Variants in RABGAP1L observed in about 807,000 individuals in gnomAD.
The protein encoded by RABGAP1L is RAB GTPase activating protein 1 like, also known as rab GTPase-activating protein 1-like.
A neutral mutation model predicts 137.7 loss-of-function variants in RABGAP1L; 63 were observed. The observed-to-expected ratio is 0.46, with a 90% CI of 0.37 to 0.56. The LOEUF is 0.56. Ranked by LOEUF, RABGAP1L falls within the 20% of genes least tolerant of loss-of-function variation. The pLI is 0.00. For synonymous variants in RABGAP1L, 431 were observed against 433.7 expected (o/e 0.99, Z 0.08); for missense variants, 1,095 against 1,244.0 (o/e 0.88, Z 1.80).
chr1:174,596,581 A>G (rs1234280634), intron 13 of RABGAP1L, among the ~76,000 whole-genome samples: 1 of 152,166 alleles, frequency 6.6e-6, no homozygotes, highest in African/African-American at 2.4e-5. Flanking sequence ...CTGTAATTTT[A>G]TGTAATTTAC....
At chr1:174,539,692 T>C (rs1461951992) in intron 13 of RABGAP1L, among the ~76,000 whole-genome samples, 1 of 152,232 alleles carries the variant, frequency 6.6e-6, no homozygotes, top group Non-Finnish European at 1.5e-5. Flanking sequence ...CAGTCTATCA[T>C]TGATGGACAT....
At chr1:174,711,252 GC>G in intron 17 of RABGAP1L, among the ~76,000 whole-genome samples, 1 of 151,930 alleles carries the variant, frequency 6.6e-6, no homozygotes, top group African/African-American at 2.4e-5. Flanking sequence ...GAGGGAGCCA[GC>G]TCCAGCCTTG....
chr1:174,245,654 T>TTTG (rs1481156367), intron 5 of RABGAP1L: 1 of 151,650 alleles, frequency 6.6e-6, no homozygotes, highest in African/African-American at 2.4e-5. Flanking sequence ...ATTTTTTTTT[T>TTTG]TGAGGCAGAG....
chr1:174,746,871 G>A (rs543860806), intron 17 of RABGAP1L, among the ~76,000 whole-genome samples: 4 of 152,224 alleles, frequency 2.6e-5, no homozygotes, highest in Non-Finnish European at 4.4e-5. Flanking sequence ...TCATATCTTG[G>A]CACATACAAA....
intron 19 of RABGAP1L, among the ~76,000 whole-genome samples, chr1:174,849,217 C>G (rs1432608122): frequency 3.3e-5 from 5 of 152,054 alleles, no homozygotes; most frequent in Admixed American, 6.6e-5. Context: ...AGCTGTAGAC[C>G]GGAGCTGTTC....
intron 17 of RABGAP1L, among the ~76,000 whole-genome samples, chr1:174,744,443 G>A (rs570343187): frequency 1.3e-4 from 20 of 152,286 alleles, no homozygotes; most frequent in African/African-American, 4.8e-4. Flanking sequence ...ATTTATCAGA[G>A]AAGCCAAATG....
chr1:174,730,402 CA>C (rs1682365131), intron 17 of RABGAP1L, among the ~76,000 whole-genome samples: 1 of 152,138 alleles, frequency 6.6e-6, no homozygotes, highest in African/African-American at 2.4e-5. Context: ...ATTCATACCC[CA>C]AACTTCAGCA....
At chr1:174,651,700 C>T (rs1385852449) in intron 14 of RABGAP1L, among the ~76,000 whole-genome samples, 1 of 152,134 alleles carries the variant, frequency 6.6e-6, no homozygotes, top group Non-Finnish European at 1.5e-5. Context: ...AGATCTTCCT[C>T]CATCCTTCTG....
chr1:174,643,381 C>A (rs183026267), intron 14 of RABGAP1L, among the ~76,000 whole-genome samples: 196 of 152,242 alleles, frequency 1.3e-3, no homozygotes, highest in Admixed American at 2.2e-3. Context: ...TAATGCAGAT[C>A]CAAATATGGG....
At chr1:174,670,488 C>G (rs938046927) in intron 14 of RABGAP1L, among the ~76,000 whole-genome samples, 1 of 152,020 alleles carries the variant, frequency 6.6e-6, no homozygotes, top group African/African-American at 2.4e-5. Context: ...GTAGGTCTTA[C>G]TCATTCTTTC....
At chr1:174,658,053 C>T (rs1246215727) in intron 14 of RABGAP1L, among the ~76,000 whole-genome samples, 2 of 152,138 alleles carry the variant, frequency 1.3e-5, no homozygotes, top group East Asian at 1.9e-4. Flanking sequence ...CTTGTCATTG[C>T]AAATGCAAGC....
At chr1:174,812,738 AAAAG>A (rs1244654832) in intron 19 of RABGAP1L, among the ~76,000 whole-genome samples, 1 of 152,202 alleles carries the variant, frequency 6.6e-6, no homozygotes, top group African/African-American at 2.4e-5. Context: ...GCTGTGAAAA[AAAAG>A]AGAGTAGGGG....
intron 10 of RABGAP1L, among the ~76,000 whole-genome samples, chr1:174,301,623 A>T (rs1285652602): frequency 6.6e-6 from 1 of 151,978 alleles, no homozygotes; most frequent in Admixed American, 6.5e-5. Flanking sequence ...AATTTAATTG[A>T]GCAATGAAAC....
intron 11 of RABGAP1L, among the ~76,000 whole-genome samples, chr1:174,329,395 C>A (rs570525835): frequency 8.7e-4 from 132 of 152,196 alleles, no homozygotes; most frequent in African/African-American, 3.1e-3. Context: ...CTGCTGAATT[C>A]TAGAAAACAT....
chr1:174,881,748 C>T (rs1340109699), intron 19 of RABGAP1L, among the ~76,000 whole-genome samples: 2 of 151,996 alleles, frequency 1.3e-5, no homozygotes, highest in Non-Finnish European at 2.9e-5. Context: ...GACCCGCCCG[C>T]CTCAGCCCCC....
intron 13 of RABGAP1L, among the ~76,000 whole-genome samples, chr1:174,617,308 G>A (rs1402891087): frequency 1.3e-5 from 2 of 152,198 alleles, no homozygotes; most frequent in African/African-American, 2.4e-5. Context: ...AGCAGAAACA[G>A]CAACTGACCC....
At chr1:174,707,550 C>G (rs1314573896) in intron 17 of RABGAP1L, among the ~76,000 whole-genome samples, 1 of 152,182 alleles carries the variant, frequency 6.6e-6, no homozygotes, top group African/African-American at 2.4e-5. Context: ...GTTCAAGTTA[C>G]TTGACCTATG....
At chr1:174,685,016 T>G (rs1028258889) in intron 15 of RABGAP1L, among the ~76,000 whole-genome samples, 1 of 151,862 alleles carries the variant, frequency 6.6e-6, no homozygotes, top group Non-Finnish European at 1.5e-5. Flanking sequence ...AAAGAAAATG[T>G]CAGTTTAAAT....
At chr1:174,644,067 G>C (rs941826524) in intron 14 of RABGAP1L, among the ~76,000 whole-genome samples, 1 of 151,652 alleles carries the variant, frequency 6.6e-6, no homozygotes. Flanking sequence ...TATTTTGGGG[G>C]TTTTTTTGGT....
Sources: allele counts gnomAD v4.1 joint callset (sites outside exome capture counted in the v4.1 genomes callset), GRCh38; gene constraint gnomAD v4.1.1; transcripts MANE v1.5; gene names NCBI Gene and HGNC (gene_info 2026-07-23, HGNC 2026-07-21).